The following CACNA1C variants were observed in gnomAD, a reference collection of about 807,000 sequenced individuals.
CACNA1C encodes voltage-dependent L-type calcium channel subunit alpha-1C.
Under a neutral mutation model 229.0 loss-of-function variants are expected in CACNA1C, and 30 were observed. The observed-to-expected ratio is 0.13, with a 90% CI of 0.10 to 0.18. The LOEUF is 0.18. CACNA1C is among the 10% of genes least tolerant of loss of function. The pLI, the probability that CACNA1C is intolerant of heterozygous loss-of-function variation, is 1.00. For missense variants in CACNA1C, 1,658 were observed against 2,845.0 expected (o/e 0.58, Z 9.49); for synonymous variants, 1,114 against 1,132.5 (o/e 0.98, Z 0.33).
chr12:2,432,893 C>A (rs1179798649), intron 3 of CACNA1C, among the ~76,000 whole-genome samples: 1 of 152,066 alleles, frequency 6.6e-6, no homozygotes, highest in Non-Finnish European at 1.5e-5. Flanking sequence ...TCCAGGTGAA[C>A]CACCAGGAAG....
intron 21 of CACNA1C, among the ~76,000 whole-genome samples, chr12:2,599,312 G>A (rs1159336003): frequency 2.0e-5 from 3 of 152,114 alleles, no homozygotes; most frequent in African/African-American, 7.2e-5. Flanking sequence ...CCGGCCTAAG[G>A]CCCGGTGTCA....
chr12:2,067,466 G>A lies in CACNA1C; in HGVS notation c.49+13855G>A, dbSNP rs1030129858. ...AGGATGCACGTGTGTGTGTGTGTGTGTGTGTGTGTGTGTGTGCGCGCGTGT... is the reference window on the plus strand; with the variant it reads ...AGGATGCACGTGTGTGTGTGTGTGTATGTGTGTGTGTGTGTGCGCGCGTGT... On this transcript the variant is annotated intron_variant, in intron 1 of 46. Coordinates refer to ENST00000399655, the MANE Select transcript of CACNA1C (RefSeq NM_000719.7). This position sits in a 1 kb window ranked among gnomAD's most constrained non-coding sequence, Gnocchi z 5.3. Among the ~76,000 whole-genome samples the A allele has an allele frequency of 1.7e-5, 2 of 120,602 alleles. No individual in the cohort carries two copies. Among genetic ancestry groups the A allele is most frequent in the African/African-American group, 5.7e-5 (2 of 35,328 alleles). 79.1% of individuals were successfully genotyped at this position (120,602 alleles called of 152,430 possible).
intron 12 of CACNA1C, among the ~76,000 whole-genome samples, chr12:2,567,055 T>C (rs1196431921): frequency 6.6e-6 from 1 of 152,208 alleles, no homozygotes; most frequent in East Asian, 1.9e-4. Flanking sequence ...CTCATTATCC[T>C]TCCTTGGGCC....
chr12:2,132,126 A>C (rs2092373051), intron 3 of CACNA1C, among the ~76,000 whole-genome samples: 1 of 141,416 alleles, frequency 7.1e-6, no homozygotes, highest in Non-Finnish European at 1.5e-5. Context: ...GGTGTATAAG[A>C]ATGCTTGTGA....
intron 1 of CACNA1C, among the ~76,000 whole-genome samples, chr12:2,061,023 A>C (rs1048155633): frequency 2.0e-5 from 3 of 152,264 alleles, no homozygotes; most frequent in Non-Finnish European, 4.4e-5. Flanking sequence ...TAACAAAGTA[A>C]ATAGCTAAAG....
At chr12:2,296,402 C>G (rs989942703) in intron 3 of CACNA1C, among the ~76,000 whole-genome samples, 1 of 152,248 alleles carries the variant, frequency 6.6e-6, no homozygotes, top group African/African-American at 2.4e-5. Flanking sequence ...TTTCCTGACA[C>G]TGCCATCCTC....
At chr12:2,411,067 T>A (rs2098802301) in intron 3 of CACNA1C, among the ~76,000 whole-genome samples, 1 of 152,042 alleles carries the variant, frequency 6.6e-6, no homozygotes, top group Non-Finnish European at 1.5e-5. Flanking sequence ...TCAGCGCAAA[T>A]CTCACCATCA....
At chr12:2,589,780 A>G (rs1480299711) in intron 18 of CACNA1C, among the ~76,000 whole-genome samples, 1 of 152,142 alleles carries the variant, frequency 6.6e-6, no homozygotes, top group Non-Finnish European at 1.5e-5. Context: ...CCAGGCAGAG[A>G]GGATGGCAGC....
chr12:2,471,165 G>A (rs990898030), intron 5 of CACNA1C, among the ~76,000 whole-genome samples: 9 of 151,996 alleles, frequency 5.9e-5, no homozygotes, highest in East Asian at 1.9e-4. Flanking sequence ...TTATTGAAGC[G>A]TAATTTATAT....
chr12:2,689,367 A>G lies in CACNA1C; in HGVS notation c.6117+588A>G, dbSNP rs1334635580. The stretch of plus-strand genomic sequence containing the variant: ...CAGGATGGCAAGGTTCCTAGAAACC[A>G]TTTCCTAGGAGAACCGTTTCAGGGA... On this transcript the variant is annotated intron_variant, in intron 46 of 46. Transcript: ENST00000399655. The surrounding 1 kb of genome is among the most constrained non-coding windows in gnomAD (Gnocchi z 4.2). Among the ~76,000 whole-genome samples the G allele has an allele frequency of 6.6e-6, 1 of 151,940 alleles. No homozygotes were observed. Among genetic ancestry groups the G allele is most frequent in the Non-Finnish European group, 1.5e-5 (1 of 67,970 alleles).
chr12:2,388,407 A>G (rs1156975251), intron 3 of CACNA1C, among the ~76,000 whole-genome samples: 6 of 152,230 alleles, frequency 3.9e-5, no homozygotes, highest in Admixed American at 3.9e-4. Flanking sequence ...ACCAATGTCA[A>G]TCTTACATCT....
Position 2,115,487 on chromosome 12 carries a change from C to T in CACNA1C, c.313C>T (p.Leu105Phe), listed in dbSNP as rs778550818. The T allele has an allele frequency of 1.2e-6, 2 of 1,613,540 alleles. No individual in the cohort carries two copies. The highest frequency in any genetic ancestry group is 1.7e-5 in the Admixed American group (1 of 60,038). ...TTATRPPRAL[L>F]CLTLKNPIRR... is the part of the protein sequence containing the mutation. Reference sequence around the variant, plus strand: ...GGCCACACGCCCGCCCCGAGCCCTGCTCTGCCTGACCCTGAAGAACCCCAT... The same window carrying T: ...GGCCACACGCCCGCCCCGAGCCCTGTTCTGCCTGACCCTGAAGAACCCCAT... The change falls in exon 2 of 47, where the codon CTC becomes TTC. Residue 105 changes from leucine (L) to phenylalanine (F), a missense_variant. Coordinates refer to ENST00000399655, the MANE Select transcript of CACNA1C (RefSeq NM_000719.7).
chr12:2,684,281 C>A (rs545934533), intron 43 of CACNA1C, among the ~76,000 whole-genome samples: 1 of 152,272 alleles, frequency 6.6e-6, no homozygotes, highest in South Asian at 2.1e-4. Context: ...CTCAACTGCC[C>A]TGTGCCTTCG....
chr12:2,685,473 C>A, intron 43 of CACNA1C, among the ~76,000 whole-genome samples: 1 of 151,652 alleles, frequency 6.6e-6, no homozygotes, highest in Non-Finnish European at 1.5e-5. Flanking sequence ...CCCCAGAGTG[C>A]CTTCACTGCC....
intron 45 of CACNA1C, among the ~76,000 whole-genome samples, chr12:2,686,732 G>A (rs1250848831): frequency 2.0e-5 from 3 of 152,218 alleles, no homozygotes; most frequent in Non-Finnish European, 4.4e-5. Context: ...GTCAAGAGTA[G>A]GGAATGACAT....
At position 2,230,123 on chromosome 12, in the gene CACNA1C, C is replaced by A. The variant is rs1304907661; in HGVS notation, c.477+109693C>A. Among the ~76,000 whole-genome samples, 10 of 149,506 alleles carry A rather than the reference C, an allele frequency of 6.7e-5. No homozygotes were observed. The East Asian group carries it at 2.0e-3, about 30-fold the overall frequency. ...GTGGTTCTCGTGGTGGCGCGGCCCT[C>A]GCTGACTGTGCTCAGGATGTCCCCT... On this transcript the variant is annotated intron_variant, in intron 3 of 46. Transcript: ENST00000399655.
chr12:2,603,737 A>C (rs1282068401), intron 22 of CACNA1C: 1 of 152,246 alleles, frequency 6.6e-6, no homozygotes, highest in Non-Finnish European at 1.5e-5. Flanking sequence ...GTAGGAGCCA[A>C]AGGGACTGGC....
chr12:2,589,674 C>A (rs1027831861), intron 18 of CACNA1C, among the ~76,000 whole-genome samples: 1 of 151,720 alleles, frequency 6.6e-6, no homozygotes, highest in Admixed American at 6.6e-5. Flanking sequence ...ACCTGATGTC[C>A]GACTCACCCT....
chr12:2,079,537 G>A (rs1220690849), intron 1 of CACNA1C, among the ~76,000 whole-genome samples: 8 of 152,068 alleles, frequency 5.3e-5, no homozygotes, highest in African/African-American at 1.9e-4. Flanking sequence ...ATAAGGGCAC[G>A]AATCCCACTC....
Sources: allele counts gnomAD v4.1 joint callset (sites outside exome capture counted in the v4.1 genomes callset), GRCh38; gene constraint gnomAD v4.1.1; non-coding constraint Gnocchi (gnomAD v3.1); transcripts MANE v1.5; gene names NCBI Gene and HGNC (gene_info 2026-07-23, HGNC 2026-07-21).